Variants in FGF14 observed in about 807,000 individuals in gnomAD.
FGF14 encodes the protein fibroblast growth factor homologous factor 4.
In FGF14, 5 loss-of-function variants were observed where a neutral mutation model predicts 25.5. The observed-to-expected ratio is 0.20, with a 90% CI of 0.10 to 0.41. The LOEUF is 0.41. Ranked by LOEUF, FGF14 falls within the 10% of genes least tolerant of loss-of-function variation. The pLI is 1.00. For synonymous variants in FGF14, 138 were observed against 118.3 expected (o/e 1.17, Z -1.08); for missense variants, 222 against 320.1 (o/e 0.69, Z 2.34).
chr13:101,760,446 G>C (rs993615142), intron 3 of FGF14, among the ~76,000 whole-genome samples: 1 of 152,190 alleles, frequency 6.6e-6, no homozygotes, highest in East Asian at 1.9e-4. Context: ...CTGTCGCAGG[G>C]AGAGTTAAAG....
At chr13:101,771,097 C>T (rs2038741140) in intron 3 of FGF14, among the ~76,000 whole-genome samples, 1 of 151,860 alleles carries the variant, frequency 6.6e-6, no homozygotes, top group Non-Finnish European at 1.5e-5. Flanking sequence ...ATGCTTAATG[C>T]TTAAATATCT....
chr13:102,080,373 T>A (rs2043561368), intron 1 of FGF14, among the ~76,000 whole-genome samples: 1 of 152,292 alleles, frequency 6.6e-6, no homozygotes, highest in South Asian at 2.1e-4. Flanking sequence ...ACGTCAAGGA[T>A]GATTCCCAGG....
chr13:102,179,301 C>T (rs549176429), intron 1 of FGF14, among the ~76,000 whole-genome samples: 7 of 152,182 alleles, frequency 4.6e-5, no homozygotes, highest in African/African-American at 9.6e-5. Context: ...ATGCTTCATC[C>T]CAGAAATGGT....
chr13:102,313,023 C>A (rs1313306453), intron 1 of FGF14, among the ~76,000 whole-genome samples: 2 of 152,314 alleles, frequency 1.3e-5, no homozygotes, highest in South Asian at 2.1e-4. Flanking sequence ...CAACCTACTC[C>A]TTCCTGAGCC....
At chr13:102,061,164 C>A (rs1191284891) in intron 1 of FGF14, among the ~76,000 whole-genome samples, 1 of 152,214 alleles carries the variant, frequency 6.6e-6, no homozygotes, top group Non-Finnish European at 1.5e-5. Context: ...CTTATGTGAC[C>A]CGATTTTTCC....
At chr13:101,966,628 G>A (rs1291292049) in intron 1 of FGF14, among the ~76,000 whole-genome samples, 3 of 152,016 alleles carry the variant, frequency 2.0e-5, no homozygotes, top group African/African-American at 7.2e-5. Flanking sequence ...GATTACAGGT[G>A]CCCACCACCA....
At chr13:102,093,864 C>T (rs2044277389) in intron 1 of FGF14, among the ~76,000 whole-genome samples, 1 of 150,154 alleles carries the variant, frequency 6.7e-6, no homozygotes, top group Non-Finnish European at 1.5e-5. Flanking sequence ...ACTCATGAAG[C>T]CACTGCTGCA....
intron 1 of FGF14, among the ~76,000 whole-genome samples, chr13:102,066,624 T>C (rs981479021): frequency 6.6e-6 from 1 of 152,230 alleles, no homozygotes; most frequent in Non-Finnish European, 1.5e-5. Flanking sequence ...TTCCAAATGA[T>C]ACATTCAAAC....
At chr13:101,986,139 T>C (rs1471051602) in intron 1 of FGF14, among the ~76,000 whole-genome samples, 1 of 152,126 alleles carries the variant, frequency 6.6e-6, no homozygotes, top group Admixed American at 6.6e-5. Context: ...TTTAGGTCTA[T>C]TATAAGATTA....
intron 1 of FGF14, among the ~76,000 whole-genome samples, chr13:102,055,906 C>T (rs1027375028): frequency 2.0e-5 from 3 of 152,156 alleles, no homozygotes; most frequent in East Asian, 3.9e-4. Context: ...CACATCATAC[C>T]TGACAGCAGC....
intron 1 of FGF14, among the ~76,000 whole-genome samples, chr13:102,129,111 G>A (rs1324579772): frequency 1.3e-5 from 2 of 151,920 alleles, no homozygotes; most frequent in African/African-American, 2.4e-5. Flanking sequence ...TTAGCCGGGT[G>A]TAGTGGAGTG....
At chr13:101,936,101 T>A (rs916681882) in intron 1 of FGF14, among the ~76,000 whole-genome samples, 8 of 152,180 alleles carry the variant, frequency 5.3e-5, no homozygotes, top group Non-Finnish European at 1.0e-4. Context: ...TACCTTATCT[T>A]ATTTAATCCT....
chr13:102,195,167 A>ATCTTC (rs2049294312), intron 1 of FGF14, among the ~76,000 whole-genome samples: 1 of 152,206 alleles, frequency 6.6e-6, no homozygotes, highest in African/African-American at 2.4e-5. Flanking sequence ...AATCCACATG[A>ATCTTC]AGAAATATTA....
intron 1 of FGF14, among the ~76,000 whole-genome samples, chr13:102,335,793 G>A (rs2056772742): frequency 6.6e-6 from 1 of 152,122 alleles, no homozygotes; most frequent in Admixed American, 6.6e-5. Context: ...GTGTCTCTGT[G>A]TCACATTCCA....
intron 1 of FGF14, among the ~76,000 whole-genome samples, chr13:102,077,542 C>T (rs1281004185): frequency 3.3e-5 from 5 of 152,118 alleles, no homozygotes; most frequent in East Asian, 1.9e-4. Context: ...GAAAAATGTT[C>T]GGCATCACTA....
chr13:102,299,561 T>A (rs75583515), intron 1 of FGF14, among the ~76,000 whole-genome samples: 1 of 151,898 alleles, frequency 6.6e-6, no homozygotes, highest in African/African-American at 2.4e-5. Context: ...GTAGAACCAC[T>A]GGGGCTGCCT....
At chr13:102,165,896 T>A (rs999041014) in intron 1 of FGF14, among the ~76,000 whole-genome samples, 1 of 151,854 alleles carries the variant, frequency 6.6e-6, no homozygotes, top group Admixed American at 6.6e-5. Flanking sequence ...AGGATACTTA[T>A]AAGTATGGTT....
intron 3 of FGF14, among the ~76,000 whole-genome samples, chr13:101,727,307 C>T (rs1436351181): frequency 6.6e-6 from 1 of 152,086 alleles, no homozygotes; most frequent in African/African-American, 2.4e-5. Context: ...AAACCTCAAA[C>T]TAAAACTTAG....
intron 3 of FGF14, among the ~76,000 whole-genome samples, chr13:101,762,900 G>A (rs1433297768): frequency 6.6e-6 from 1 of 152,070 alleles, no homozygotes; most frequent in African/African-American, 2.4e-5. Flanking sequence ...CTAGTCAGTA[G>A]GTTGTATTTA....
Sources: gnomAD v4.1 joint callset for allele counts (sites outside exome capture counted in the v4.1 genomes callset) on GRCh38, gnomAD v4.1.1 for gene constraint, MANE v1.5 for transcripts, NCBI Gene and HGNC (gene_info 2026-07-23, HGNC 2026-07-21) for gene names.